Variants in USH2A observed in about 807,000 individuals in gnomAD.
USH2A encodes usherin, also known as Usher syndrome 2A (autosomal recessive, mild).
USH2A carries 443 observed loss-of-function variants against 538.9 expected under a neutral mutation model. The ratio of observed to expected loss-of-function variants is 0.82; its 90% CI spans 0.76 to 0.89. The LOEUF is 0.89. Ranked by LOEUF, USH2A falls within the 40% of genes least tolerant of loss-of-function variation. The probability of loss-of-function intolerance (pLI) is 0.00; values close to 1 mark genes in which losing one functional copy is unlikely to be tolerated. For missense variants in USH2A, 6,633 were observed against 6,324.8 expected, an observed-to-expected ratio of 1.05 and a Z score of -1.65; for synonymous variants, 2,413 against 2,273.5, an observed-to-expected ratio of 1.06 and a Z score of -1.75.
chr1:215,700,382 G>T (rs1411153515), intron 61 of USH2A, among the ~76,000 whole-genome samples: 1 of 152,170 alleles, frequency 6.6e-6, no homozygotes, highest in East Asian at 1.9e-4. Flanking sequence ...AGAAGAAATT[G>T]TACCAGCTCC....
At chr1:216,408,373 T>C (rs2039430712) in intron 3 of USH2A, among the ~76,000 whole-genome samples, 1 of 152,148 alleles carries the variant, frequency 6.6e-6, no homozygotes, top group African/African-American at 2.4e-5. Context: ...CCTTTATCCA[T>C]TGAGGATATG....
chr1:216,328,438 A>G (rs1400673821), intron 4 of USH2A, among the ~76,000 whole-genome samples: 1 of 152,082 alleles, frequency 6.6e-6, no homozygotes, highest in South Asian at 2.1e-4. Context: ...CAGAAAAACT[A>G]CCGACTCCAA....
intron 37 of USH2A, among the ~76,000 whole-genome samples, chr1:215,964,001 T>C (rs927376428): frequency 6.6e-6 from 1 of 152,176 alleles, no homozygotes; most frequent in Non-Finnish European, 1.5e-5. Flanking sequence ...GTTCTGACTT[T>C]TGAAAGTTCT....
At position 215,813,798 on chromosome 1, in the gene USH2A, C is replaced by G. The variant is rs1338539009; in HGVS notation, c.9677G>C (p.Arg3226Pro). 4 of 1,613,884 alleles carry G rather than the reference C, an allele frequency of 2.5e-6. No homozygotes were observed. Among genetic ancestry groups the G allele is most frequent in the Non-Finnish European group, 2.5e-6 (3 of 1,179,874 alleles). The change falls in exon 49 of 72, where the codon CGA becomes CCA. Residue 3226 changes from arginine (R) to proline (P), a missense_variant. Coordinates refer to ENST00000307340, the MANE Select transcript of USH2A (RefSeq NM_206933.4). ...LNSTGVCCGG[R>P]IQEAQPNHQC... is the part of the protein sequence containing the mutation. ...ATGATTTGGTTGTGCCTCCTGTATT[C>G]GGCCACCACAACAAACTCCAGTAGA...
chr1:216,029,489 T>C (rs1669041063), intron 32 of USH2A, among the ~76,000 whole-genome samples: 1 of 152,062 alleles, frequency 6.6e-6, no homozygotes, highest in Non-Finnish European at 1.5e-5. Context: ...CATATGTGTG[T>C]GTATAGCCAG....
At chr1:215,875,153 C>T (rs1297199670) in intron 43 of USH2A, among the ~76,000 whole-genome samples, 1 of 152,148 alleles carries the variant, frequency 6.6e-6, no homozygotes, top group Non-Finnish European at 1.5e-5. Context: ...TTGGTTTTCT[C>T]TCATATTTGC....
intron 68 of USH2A, among the ~76,000 whole-genome samples, chr1:215,640,334 C>T (rs754279314): frequency 5.9e-5 from 9 of 152,180 alleles, no homozygotes; most frequent in East Asian, 1.9e-4. Context: ...GTGGAGGCAG[C>T]GCTGTCCCCT....
intron 21 of USH2A, among the ~76,000 whole-genome samples, chr1:216,103,267 T>C (rs1329518527): frequency 6.6e-6 from 1 of 152,228 alleles, no homozygotes; most frequent in Non-Finnish European, 1.5e-5. Context: ...GTTATAAAAA[T>C]GGGTCAACCT....
At chr1:216,076,002 G>A (rs988528151) in intron 27 of USH2A, among the ~76,000 whole-genome samples, 1 of 152,052 alleles carries the variant, frequency 6.6e-6, no homozygotes, top group Non-Finnish European at 1.5e-5. Flanking sequence ...AACATGATTT[G>A]TTTTAATTGC....
In USH2A at chr1:216,200,032, T is replaced by C. The variant is rs2034947671; in HGVS notation, c.3406A>G (p.Ser1136Gly). The C allele has an allele frequency of 6.2e-7, 1 of 1,614,016 alleles. No homozygotes were observed. The highest frequency in any genetic ancestry group is 1.7e-5 in the Admixed American group (1 of 60,008). ...TTTGTCTTGTAAGTGACAGCTACAC[T>C]CCTTGTTGAACCATGCACATTGGTG... ...ETTNVHGSTRSVAVTYKTKPG... is the reference protein window; with the variant it reads ...ETTNVHGSTRGVAVTYKTKPG... Residue 1136 changes from serine to glycine, a missense_variant, in exon 17 of 72, where the codon AGT (serine) becomes GGT (glycine). Physicochemically the swap from Ser to Gly is moderately conservative, Grantham distance 56 (BLOSUM62 0). Coordinates refer to ENST00000307340, the MANE Select transcript of USH2A (RefSeq NM_206933.4).
chr1:215,948,700 A>AT (rs1451539279), intron 37 of USH2A, among the ~76,000 whole-genome samples: 2 of 152,010 alleles, frequency 1.3e-5, no homozygotes, highest in African/African-American at 4.8e-5. Flanking sequence ...CAGGGACATA[A>AT]TTTTATAAGG....
chr1:216,361,047 TAGACAGAC>T (rs1396021033), intron 4 of USH2A, among the ~76,000 whole-genome samples: 1 of 152,064 alleles, frequency 6.6e-6, no homozygotes, highest in Non-Finnish European at 1.5e-5. Flanking sequence ...GGCCCAAGTA[TAGACAGAC>T]AGACAGATCA....
At chr1:215,777,721 C>T (rs1661504695) in intron 55 of USH2A, among the ~76,000 whole-genome samples, 1 of 152,210 alleles carries the variant, frequency 6.6e-6, no homozygotes, top group Admixed American at 6.5e-5. Context: ...TGGAAAACTG[C>T]AAGCTGGCAA....
At chr1:216,156,397 G>A (rs2033942039) in intron 21 of USH2A, among the ~76,000 whole-genome samples, 1 of 142,976 alleles carries the variant, frequency 7.0e-6, no homozygotes. Context: ...TTATGTTACA[G>A]TATTTTTTCA....
intron 41 of USH2A, among the ~76,000 whole-genome samples, chr1:215,886,090 T>C (rs1665047161): frequency 6.6e-6 from 1 of 152,220 alleles, no homozygotes; most frequent in East Asian, 1.9e-4. Context: ...GTTCCGTAAA[T>C]GTCAATAGAA....
Position 215,790,072 on chromosome 1 carries a change from C to T in USH2A, c.10169G>A (p.Gly3390Glu). Residue 3390 changes from glycine (G) to glutamate (E), a missense_variant, in exon 51 of 72, where the codon GGA becomes GAA. Coordinates refer to ENST00000307340, the MANE Select transcript of USH2A (RefSeq NM_206933.4). ...TCTATCAATTACCTTCATCATCATT[C>T]CAGTTGAAATCTTGTCAGAGCAAAC... ...KYVCSDKIST[G>E]MMMKETKECR... The T allele has an allele frequency of 6.2e-7, 1 of 1,613,264 alleles. No individual in the cohort carries two copies. Among genetic ancestry groups the T allele is most frequent in the Non-Finnish European group, 8.5e-7 (1 of 1,179,920 alleles).
At chr1:215,764,271 AG>A (rs943373383) in intron 56 of USH2A, among the ~76,000 whole-genome samples, 1 of 152,136 alleles carries the variant, frequency 6.6e-6, no homozygotes, top group Non-Finnish European at 1.5e-5. Context: ...CGTTAAAAGA[AG>A]GGCAGAGGAA....
intron 49 of USH2A, among the ~76,000 whole-genome samples, chr1:215,809,646 T>C (rs1455129120): frequency 6.6e-6 from 1 of 152,168 alleles, no homozygotes; most frequent in Non-Finnish European, 1.5e-5. Context: ...AGTTAATTGT[T>C]ATTCTTATCA....
At chr1:216,202,765 G>A (rs577171450) in intron 16 of USH2A, among the ~76,000 whole-genome samples, 1 of 152,050 alleles carries the variant, frequency 6.6e-6, no homozygotes, top group South Asian at 2.1e-4. Flanking sequence ...TGACCATCAC[G>A]CTTCCTCAAC....
Sources: allele counts gnomAD v4.1 joint callset (sites outside exome capture counted in the v4.1 genomes callset), GRCh38; gene constraint gnomAD v4.1.1; transcripts MANE v1.5; gene names NCBI Gene and HGNC (gene_info 2026-07-23, HGNC 2026-07-21).